RUNX1: variants seen among roughly 807,000 people sequenced by gnomAD.
RUNX1 encodes the protein RUNX family transcription factor 1.
Under a neutral mutation model 42.8 loss-of-function variants are expected in RUNX1, and 19 were observed. The ratio of observed to expected loss-of-function variants is 0.44; its 90% CI spans 0.31 to 0.65. The LOEUF is 0.65. Among genes scored for constraint, RUNX1 ranks in the 30% least tolerant of loss-of-function variants. The pLI is 0.07. For synonymous variants in RUNX1, 271 were observed against 289.4 expected, an observed-to-expected ratio of 0.94 and a Z score of 0.64; for missense variants, 528 against 672.0, an observed-to-expected ratio of 0.79 and a Z score of 2.37.
chr21:34,951,928 G>A (rs530698540), intron 2 of RUNX1, among the ~76,000 whole-genome samples: 8 of 152,232 alleles, frequency 5.3e-5, no homozygotes, highest in Non-Finnish European at 7.4e-5. Context: ...ACATGCACAC[G>A]TATGTTTCTT....
intron 2 of RUNX1, among the ~76,000 whole-genome samples, chr21:34,992,855 T>C (rs888120716): frequency 2.0e-5 from 3 of 152,186 alleles, no homozygotes; most frequent in African/African-American, 7.2e-5. Flanking sequence ...AGCTACCTTG[T>C]GGCCAGAGGG....
intron 7 of RUNX1, among the ~76,000 whole-genome samples, chr21:34,816,694 G>A (rs1262785231): frequency 6.6e-6 from 1 of 152,110 alleles, no homozygotes; most frequent in African/African-American, 2.4e-5. Context: ...GGGATGTGGT[G>A]GGGAGGAGAG....
intron 2 of RUNX1, among the ~76,000 whole-genome samples, chr21:34,902,915 C>T (rs765114299): frequency 2.0e-5 from 3 of 152,074 alleles, no homozygotes; most frequent in Non-Finnish European, 4.4e-5. Flanking sequence ...ACTTGGGTTT[C>T]GAGTGGGAAG....
chr21:34,834,755 C>G (rs1262341589), intron 6 of RUNX1, among the ~76,000 whole-genome samples, 154 bp from the exon 7 acceptor site: 1 of 152,046 alleles, frequency 6.6e-6, no homozygotes, highest in Non-Finnish European at 1.5e-5. Context: ...AGAGATATGC[C>G]AGCTGAATTT....
chr21:35,030,081 C>T (rs1405374605), intron 2 of RUNX1, among the ~76,000 whole-genome samples: 3 of 152,198 alleles, frequency 2.0e-5, no homozygotes, highest in East Asian at 3.9e-4. Flanking sequence ...CGGTGGCTCA[C>T]GCCTGTAATC....
intron 2 of RUNX1, among the ~76,000 whole-genome samples, chr21:34,954,693 C>T (rs1411662459): frequency 6.6e-6 from 1 of 152,202 alleles, no homozygotes; most frequent in Non-Finnish European, 1.5e-5. Flanking sequence ...CCTCTCTCCC[C>T]TCACTGTAGT....
chr21:34,943,194 T>C (rs2058540317), intron 2 of RUNX1, among the ~76,000 whole-genome samples: 1 of 152,240 alleles, frequency 6.6e-6, no homozygotes, highest in Non-Finnish European at 1.5e-5. Flanking sequence ...TTCTGACTGT[T>C]CTACTGTTCG....
chr21:34,984,880 T>C (rs1353886153), intron 2 of RUNX1, among the ~76,000 whole-genome samples: 1 of 152,198 alleles, frequency 6.6e-6, no homozygotes, highest in Non-Finnish European at 1.5e-5. Flanking sequence ...ATAGAACTCA[T>C]TTCTCTTCTC....
chr21:34,926,027 A>G (rs1433591788), intron 2 of RUNX1, among the ~76,000 whole-genome samples: 1 of 152,170 alleles, frequency 6.6e-6, no homozygotes, highest in Non-Finnish European at 1.5e-5. Flanking sequence ...TAAGGGCAGA[A>G]CATATACACA....
At chr21:34,928,557 G>A (rs1361880877) in intron 2 of RUNX1, among the ~76,000 whole-genome samples, 2 of 152,012 alleles carry the variant, frequency 1.3e-5, no homozygotes, top group Non-Finnish European at 2.9e-5. Context: ...AGCTGGGCAT[G>A]GTGGTGCATG....
chr21:34,885,293 C>T, intron 4 of RUNX1, among the ~76,000 whole-genome samples: 1 of 152,166 alleles, frequency 6.6e-6, no homozygotes. Flanking sequence ...CATGGCCCAA[C>T]CCTGTTGGGT....
intron 2 of RUNX1, among the ~76,000 whole-genome samples, chr21:35,036,313 C>T (rs1180365373): frequency 1.3e-5 from 2 of 152,154 alleles, no homozygotes; most frequent in African/African-American, 2.4e-5. Flanking sequence ...GAATAATTAG[C>T]TTGCACATCT....
intron 2 of RUNX1, among the ~76,000 whole-genome samples, chr21:34,919,249 A>G (rs1461654105): frequency 6.6e-6 from 1 of 152,188 alleles, no homozygotes; most frequent in African/African-American, 2.4e-5. Flanking sequence ...CTCAAACTTA[A>G]TAAGGTGGAT....
At position 34,967,935 on chromosome 21, in the gene RUNX1, G is replaced by A. The variant is rs187185894; in HGVS notation, c.59-74972C>T. Reference sequence around the variant, plus strand: ...CCTTAATGTAGGTGCTGTGGCTGAGGCAACTAGAGAAACAGTGGACGCCTC... The same window carrying A: ...CCTTAATGTAGGTGCTGTGGCTGAGACAACTAGAGAAACAGTGGACGCCTC... On this transcript the variant is annotated intron_variant, in intron 2 of 8. Coordinates refer to ENST00000675419, the MANE Select transcript of RUNX1 (RefSeq NM_001754.5). Among the ~76,000 whole-genome samples the A allele has an allele frequency of 3.1e-3, 467 of 152,256 alleles. 5 individuals are homozygous for A. Among genetic ancestry groups the A allele is most frequent in the Middle Eastern group, 0.014 (4 of 294 alleles).
intron 4 of RUNX1, among the ~76,000 whole-genome samples, chr21:34,884,267 T>C (rs890509889): frequency 6.6e-6 from 1 of 152,194 alleles, no homozygotes; most frequent in Non-Finnish European, 1.5e-5. Flanking sequence ...AGTAGGGTTA[T>C]TGTAATCTAT....
intron 4 of RUNX1, among the ~76,000 whole-genome samples, chr21:34,881,124 G>A (rs1040263612): frequency 5.3e-5 from 8 of 152,118 alleles, no homozygotes; most frequent in Admixed American, 1.3e-4. Flanking sequence ...TAGCTATGCC[G>A]TCTCCTGAAT....
At chr21:34,867,265 A>C (rs764843015) in intron 5 of RUNX1, among the ~76,000 whole-genome samples, 5 of 151,784 alleles carry the variant, frequency 3.3e-5, no homozygotes, top group Admixed American at 6.6e-5. Flanking sequence ...AAAATAAAAT[A>C]AAAATAAAAA....
rs59950735 is a variant in RUNX1, at chr21:34,874,610, C to CAAAAAAAAAAAAAAA, written c.508+5932_508+5946dup. 1.6e-4 allele frequency among the ~76,000 whole-genome samples: 4 copies of CAAAAAAAAAAAAAAA among 25,300 alleles called. 1 individual carries two copies. The highest frequency in any genetic ancestry group is 9.2e-4 in the African/African-American group (4 of 4,368). The allele number at this position is 25,300 out of a possible 152,430, so 16.6% of individuals were successfully genotyped here. On this transcript the variant is annotated intron_variant, in intron 5 of 8. Transcript: ENST00000675419. ...AGGCAACAAGAGGGAAACTCTGTCT[C>CAAAAAAAAAAAAAAA]AAAAAAAAAAAAAAAAAAAAAAAAA...
At chr21:35,006,698 TTGTC>T (rs1211592692) in intron 2 of RUNX1, among the ~76,000 whole-genome samples, 1 of 152,192 alleles carries the variant, frequency 6.6e-6, no homozygotes, top group Non-Finnish European at 1.5e-5. Context: ...AATATTTCCT[TTGTC>T]TGAGTGGTGA....
Sources: allele counts gnomAD v4.1 joint callset (sites outside exome capture counted in the v4.1 genomes callset), GRCh38; gene constraint gnomAD v4.1.1; transcripts MANE v1.5; gene names NCBI Gene and HGNC (gene_info 2026-07-23, HGNC 2026-07-21).